DMD: variants seen among roughly 807,000 people sequenced by gnomAD.
The protein encoded by DMD is dystrophin.
Under a neutral mutation model 330.1 loss-of-function variants are expected in DMD, and 63 were observed. The observed-to-expected ratio is 0.19, with a 90% CI of 0.16 to 0.24. The LOEUF is 0.24. DMD is among the 10% of genes least tolerant of loss of function. DMD has a pLI of 1.00. For missense variants in DMD, 3,344 were observed against 2,684.1 expected, an observed-to-expected ratio of 1.25 and a Z score of -5.43; for synonymous variants, 1,223 against 959.8, an observed-to-expected ratio of 1.27 and a Z score of -5.07.
At chrX:31,856,793 T>C (rs1808505321) in intron 48 of DMD, among the ~76,000 whole-genome samples, 1 of 112,109 alleles carries the variant, frequency 8.9e-6, no homozygotes, top group Admixed American at 9.5e-5. Flanking sequence ...CTTATTACTA[T>C]GCTAATACCA....
intron 1 of DMD, among the ~76,000 whole-genome samples, chrX:33,193,586 A>C (rs1473097286): frequency 8.9e-6 from 1 of 112,420 alleles, no homozygotes; most frequent in East Asian, 2.8e-4. Flanking sequence ...GTTTTTGTTT[A>C]AGTACCCAAG....
intron 60 of DMD, among the ~76,000 whole-genome samples, chrX:31,411,091 G>A (rs955452640): frequency 2.7e-5 from 3 of 110,934 alleles, no homozygotes; most frequent in Non-Finnish European, 3.8e-5. Context: ...GTGTAAGGGC[G>A]TAGGTACTTT....
rs201745011 is a variant in DMD, at chrX:32,806,819, C to CT, written c.649+2673dup. On this transcript the variant is annotated intron_variant, in intron 7 of 78. Transcript: ENST00000357033. ...TCAAAACCATACAACTACATGGAAA[C>CT]TAACAATCTGCTTCTGAATAACTAC... Among the ~76,000 whole-genome samples the CT allele has an allele frequency of 7.4e-3, 464 of 62,379 alleles. 3 individuals carry two copies. Among genetic ancestry groups the CT allele is most frequent in the African/African-American group, 0.035 (445 of 12,868 alleles). 54.2% of individuals were successfully genotyped at this position (62,379 alleles called of 115,157 possible).
intron 17 of DMD, among the ~76,000 whole-genome samples, chrX:32,538,237 G>A (rs920469897): frequency 8.9e-6 from 1 of 112,097 alleles, no homozygotes. Flanking sequence ...TGAAGCAACT[G>A]AAGAATCACA....
At chrX:31,882,974 A>G (rs756458448) in intron 47 of DMD, among the ~76,000 whole-genome samples, 1 of 111,621 alleles carries the variant, frequency 9.0e-6, no homozygotes, top group Admixed American at 9.6e-5. Context: ...TTGTACTTCC[A>G]CGTATATTAA....
chrX:31,739,456 T>C (rs1470425539), intron 51 of DMD, among the ~76,000 whole-genome samples: 1 of 111,876 alleles, frequency 8.9e-6, no homozygotes, highest in African/African-American at 3.2e-5. Flanking sequence ...TTTATTTCTC[T>C]ATTTCTTTGT....
chrX:32,695,441 T>G (rs2147537110), intron 9 of DMD, among the ~76,000 whole-genome samples: 1 of 111,925 alleles, frequency 8.9e-6, no homozygotes, highest in East Asian at 2.8e-4. Flanking sequence ...CATAAAAATA[T>G]AAAATATTAA....
intron 2 of DMD, among the ~76,000 whole-genome samples, chrX:32,949,325 G>GGT (rs1569545069): frequency 1.1e-5 from 1 of 94,943 alleles, no homozygotes; most frequent in Non-Finnish European, 2.2e-5. Context: ...AGATAGATTA[G>GGT]ATAGGTAGGT....
chrX:32,367,318 G>A (rs921898660), intron 34 of DMD, among the ~76,000 whole-genome samples: 1 of 111,893 alleles, frequency 8.9e-6, no homozygotes, highest in Non-Finnish European at 1.9e-5. Context: ...CCAAGTATGA[G>A]TTTGTCAAAG....
chrX:33,072,711 G>A (rs1417059197), intron 1 of DMD, among the ~76,000 whole-genome samples: 1 of 111,321 alleles, frequency 9.0e-6, no homozygotes, highest in Admixed American at 9.6e-5. Flanking sequence ...AGCTCGGTGA[G>A]CATTTCATCA....
At chrX:32,936,273 G>A (rs773686164) in intron 2 of DMD, among the ~76,000 whole-genome samples, 50 of 110,148 alleles carry the variant, frequency 4.5e-4, no homozygotes, top group African/African-American at 1.6e-3. Context: ...CACCACGCCT[G>A]GCTAATTTTG....
chrX:32,811,551 C>T lies in DMD; in HGVS notation c.531-1940G>A, dbSNP rs773612974. 8.9e-5 allele frequency among the ~76,000 whole-genome samples: 10 copies of T among 111,821 alleles called. No individual in the cohort carries two copies. In the East Asian group the frequency reaches 1.7e-3, roughly 19 times the overall value. On this transcript the variant is annotated intron_variant, in intron 6 of 78. Coordinates refer to ENST00000357033, the MANE Select transcript of DMD (RefSeq NM_004006.3). ...GTTCACTGCTGGAAACCTAGCCTGACACAAAATAAAGGCTCAACAAATATT... is the reference window on the plus strand; with the variant it reads ...GTTCACTGCTGGAAACCTAGCCTGATACAAAATAAAGGCTCAACAAATATT...
chrX:32,431,938 T>A (rs756424984), intron 29 of DMD, among the ~76,000 whole-genome samples: 38 of 111,110 alleles, frequency 3.4e-4, no homozygotes, highest in African/African-American at 1.2e-3. Flanking sequence ...GTGAGGACAC[T>A]GAGGGCACTT....
At chrX:32,465,013 G>A (rs1489659884) in intron 23 of DMD, among the ~76,000 whole-genome samples, 1 of 111,786 alleles carries the variant, frequency 8.9e-6, no homozygotes, top group South Asian at 3.7e-4. Flanking sequence ...CAACTCATGA[G>A]AATACTAAAA....
intron 9 of DMD, among the ~76,000 whole-genome samples, chrX:32,664,340 C>T (rs750183296): frequency 1.9e-5 from 2 of 105,135 alleles, no homozygotes; most frequent in African/African-American, 7.0e-5. Flanking sequence ...CTCCCGGGTT[C>T]ACGCCATTCT....
chrX:32,131,823 G>T (rs1020934745), intron 44 of DMD, among the ~76,000 whole-genome samples: 5 of 112,053 alleles, frequency 4.5e-5, no homozygotes, highest in African/African-American at 1.6e-4. Context: ...GAAGTATAGT[G>T]CTCTACACTG....
chrX:31,166,980 T>C (rs907798936), intron 74 of DMD, among the ~76,000 whole-genome samples: 1 of 111,740 alleles, frequency 8.9e-6, no homozygotes, highest in African/African-American at 3.3e-5. Flanking sequence ...TGGAGAATGG[T>C]CTTGGATATC....
intron 2 of DMD, among the ~76,000 whole-genome samples, chrX:32,887,708 A>G (rs1233076698): frequency 4.6e-5 from 4 of 86,555 alleles, no homozygotes; most frequent in Non-Finnish European, 6.4e-5. Context: ...AGACCGCACC[A>G]TTGCATTCCA....
chrX:32,322,684 T>C (rs1443382374), intron 41 of DMD, among the ~76,000 whole-genome samples: 1 of 111,730 alleles, frequency 9.0e-6, no homozygotes, highest in Non-Finnish European at 1.9e-5. Context: ...ACTTTAGAGT[T>C]TGAGAGAAAG....
Sources: allele counts gnomAD v4.1 joint callset (sites outside exome capture counted in the v4.1 genomes callset), GRCh38; gene constraint gnomAD v4.1.1; transcripts MANE v1.5; gene names NCBI Gene and HGNC (gene_info 2026-07-23, HGNC 2026-07-21).